CCR7: variants seen among roughly 807,000 people sequenced by gnomAD.
CCR7 encodes C-C chemokine receptor type 7.
Under a neutral mutation model 26.0 loss-of-function variants are expected in CCR7, and 11 were observed. The observed-to-expected ratio is 0.42, with a 90% confidence interval of 0.27 to 0.70. CCR7 has a LOEUF of 0.70. Among genes scored for constraint, CCR7 ranks in the 30% least tolerant of loss-of-function variants. The probability of loss-of-function intolerance (pLI) is 0.23; values close to 1 mark genes in which losing one functional copy is unlikely to be tolerated. For missense variants in CCR7, 360 were observed against 504.0 expected, an observed-to-expected ratio of 0.71 and a Z score of 2.74; for synonymous variants, 189 against 202.1, an observed-to-expected ratio of 0.94 and a Z score of 0.55.
rs1567828701 is a variant in CCR7, at chr17:40,555,173, G to C, written c.706C>G (p.Leu236Val). ...AQMVIGFLVPLLAMSFCYLVI... is the reference protein window; with the variant it reads ...AQMVIGFLVPVLAMSFCYLVI... ...AGGTAACAGAAGCTCATGGCCAGCA[G>C]GGGGACCAGAAAGCCGATCACCATC... The change falls in exon 3 of 3, where the codon CTG becomes GTG. Residue 236 changes from leucine to valine, a missense_variant. Physicochemically the swap from Leu to Val is conservative, Grantham distance 32. Transcript: ENST00000246657. This position sits in a 1 kb window ranked among gnomAD's most constrained non-coding sequence, Gnocchi z 5.6. 10 of 1,614,156 alleles carry C rather than the reference G, an allele frequency of 6.2e-6. No individual in the cohort carries two copies. Among genetic ancestry groups the C allele is most frequent in the Non-Finnish European group, 8.5e-6 (10 of 1,180,026 alleles).
chr17:40,558,822 C>G, intron 2 of CCR7, 71 bp downstream of exon 2: 1 of 1,370,908 alleles, frequency 7.3e-7, no homozygotes, highest in Non-Finnish European at 1.0e-6. Context: ...TGCCCAGCTC[C>G]TCCACTAAAC....
intron 1 of CCR7, chr17:40,560,737 G>A (rs1043756018): frequency 6.6e-6 from 1 of 152,116 alleles, no homozygotes; most frequent in Non-Finnish European, 1.5e-5. Context: ...CCTGATGCTT[G>A]GCCTGGCAGT....
At position 40,556,216 on chromosome 17, in the gene CCR7, G is replaced by A. The variant is rs149400862; in HGVS notation, c.61-398C>T. On this transcript the variant is annotated intron_variant, in intron 2 of 2. Transcript: ENST00000246657. ...ATGCAAATTCTCAGGCCCCACCTGA[G>A]AATTCTGAACCAGAATCTCAAGTGA... Among the ~76,000 whole-genome samples, 6 of 152,272 alleles carry A rather than the reference G, an allele frequency of 3.9e-5. No individual in the cohort carries two copies. In the East Asian group the frequency reaches 1.2e-3, roughly 29 times the overall value.
At chr17:40,563,849 T>C (rs2036678984) in intron 1 of CCR7, among the ~76,000 whole-genome samples, 1 of 152,108 alleles carries the variant, frequency 6.6e-6, no homozygotes, top group Admixed American at 6.5e-5. Flanking sequence ...CCCTGTTCAG[T>C]CATGTAGATG....
chr17:40,564,349 G>A (rs2036685289), intron 1 of CCR7, among the ~76,000 whole-genome samples: 1 of 152,210 alleles, frequency 6.6e-6, no homozygotes, highest in Non-Finnish European at 1.5e-5. Context: ...CAGCGTTCAG[G>A]GCAGGCGGGA....
intron 1 of CCR7, among the ~76,000 whole-genome samples, chr17:40,560,134 C>T (rs1410270097): frequency 1.3e-5 from 2 of 152,124 alleles, no homozygotes; most frequent in African/African-American, 2.4e-5. Context: ...GAGCCTGGGG[C>T]CCAGCAGGAA....
intron 1 of CCR7, 69 bp from the exon 2 acceptor site, chr17:40,559,011 G>T: frequency 7.6e-6 from 10 of 1,320,642 alleles, no homozygotes; most frequent in Middle Eastern, 2.0e-4. Flanking sequence ...GAAAGCAGTG[G>T]AGGGGGAGAC....
At position 40,565,463 on chromosome 17, in the gene CCR7, AC is replaced by A; in HGVS notation, c.-55del. The A allele has an allele frequency of 6.3e-7, 1 of 1,594,416 alleles. No individual in the cohort carries two copies. Among genetic ancestry groups the A allele is most frequent in the Non-Finnish European group, 8.6e-7 (1 of 1,162,374 alleles). On this transcript the variant is annotated 5_prime_UTR_variant, in exon 1 of 3. Coordinates refer to ENST00000246657, the MANE Select transcript of CCR7 (RefSeq NM_001838.4). ...GGAAGGCTGTGCCCGGCCTCGCACT[AC>A]CCCTGTCTGGGGAGGAAGTGGTTCA...
At chr17:40,557,139 C>T (rs1020576717) in intron 2 of CCR7, among the ~76,000 whole-genome samples, 4 of 152,208 alleles carry the variant, frequency 2.6e-5, no homozygotes, top group African/African-American at 7.2e-5. Flanking sequence ...CGGCAGATCC[C>T]AATCAGCAGG....
chr17:40,555,567 G>A lies in CCR7; in HGVS notation c.312C>T (p.Asp104=). Residue 104 remains aspartate (D), a synonymous_variant, in exon 3 of 3, where the codon GAC becomes GAT. Coordinates refer to ENST00000246657, the MANE Select transcript of CCR7 (RefSeq NM_001838.4). The surrounding 1 kb of genome is among the most constrained non-coding windows in gnomAD (Gnocchi z 5.6). ...AGGGAAGGGTCAGGAGGAAGAGGAT[G>A]TCTGCCACCGCCAGGTTGAGCAGGT... ...DTYLLNLAVA[D]ILFLLTLPFW... 6.2e-7 allele frequency: 1 copy of A among 1,614,144 alleles called. No homozygotes were observed. The highest frequency in any genetic ancestry group is 1.1e-5 in the South Asian group (1 of 91,074).
chr17:40,555,869 A>T lies in CCR7; in HGVS notation c.61-51T>A. 7.7e-7 allele frequency: 1 copy of T among 1,306,852 alleles called. No homozygotes were observed. Among genetic ancestry groups the T allele is most frequent in the South Asian group, 1.3e-5 (1 of 78,112 alleles). The allele number at this position is 1,306,852 out of a possible 1,614,324, so 81.0% of individuals were successfully genotyped here. On this transcript the variant is annotated intron_variant, in intron 2 of 2. Transcript: ENST00000246657. This position sits in a 1 kb window ranked among gnomAD's most constrained non-coding sequence, Gnocchi z 5.6. ...CAGGCCAGTTTAGCTGGGTGGCTCCAACTCTGGCTGGGATTTAGCCTAGAG... is the reference window on the plus strand; with the variant it reads ...CAGGCCAGTTTAGCTGGGTGGCTCCTACTCTGGCTGGGATTTAGCCTAGAG...
rs1218488984 is a variant in CCR7 at position 40,553,840 on chromosome 17, C to T, written c.*902G>A. 6.6e-6 allele frequency: 1 copy of T among 152,034 alleles called. No homozygotes were observed. Among genetic ancestry groups the T allele is most frequent in the Non-Finnish European group, 1.5e-5 (1 of 68,000 alleles). 9.4% of individuals were successfully genotyped at this position (152,034 alleles called of 1,614,324 possible). A position where few individuals can be genotyped will look rare whatever the true frequency, so the allele number is the denominator to read the frequency against. On this transcript the variant is annotated 3_prime_UTR_variant, in exon 3 of 3. Coordinates refer to ENST00000246657, the MANE Select transcript of CCR7 (RefSeq NM_001838.4). ...TTGTTTCCTCAAGGGAAAACTTTAT[C>T]TGTGTGTGGGTAAAATGTTGCTCTC...
intron 1 of CCR7, 73 bp from the exon 2 acceptor site, chr17:40,559,015 G>T: frequency 7.9e-7 from 1 of 1,272,302 alleles, no homozygotes; most frequent in Non-Finnish European, 1.1e-6. Flanking sequence ...GCAGTGGAGG[G>T]GGAGACGCTG....
chr17:40,565,278 C>T, intron 1 of CCR7, 122 bp downstream of exon 1: 1 of 885,136 alleles, frequency 1.1e-6, no homozygotes, highest in Non-Finnish European at 1.9e-6. Context: ...CAAATCAGAA[C>T]TGATTTCTCC....
intron 1 of CCR7, 85 bp from the exon 2 acceptor site, chr17:40,559,027 T>C: frequency 8.7e-7 from 1 of 1,151,820 alleles, no homozygotes; most frequent in Non-Finnish European, 1.3e-6. Flanking sequence ...GAGACGCTGT[T>C]GGGAACTTTC....
intron 2 of CCR7, among the ~76,000 whole-genome samples, chr17:40,556,284 C>T (rs1374703599): frequency 6.6e-6 from 1 of 152,190 alleles, no homozygotes; most frequent in East Asian, 1.9e-4. Flanking sequence ...CCAGGTGATT[C>T]TTTGGTTTTA....
chr17:40,559,093 C>T lies in CCR7; in HGVS notation c.11-151G>A. On this transcript the variant is annotated intron_variant, in intron 1 of 2. Coordinates refer to ENST00000246657, the MANE Select transcript of CCR7 (RefSeq NM_001838.4). ...AAGAGAACATCAGAACCAGATTGTG[C>T]CTTTGAACACCTGGCCTGCTGCCCG... 2 of 635,390 alleles carry T rather than the reference C, an allele frequency of 3.1e-6. 1 individual carries two copies. The highest frequency in any genetic ancestry group is 3.9e-5 in the South Asian group (2 of 51,286). The allele number at this position is 635,390 out of a possible 1,614,324, so 39.4% of individuals were successfully genotyped here.
chr17:40,555,627 G>C lies in CCR7; in HGVS notation c.252C>G (p.Ile84Met). 1 of 1,614,168 alleles carries C rather than the reference G, an allele frequency of 6.2e-7. No homozygotes were observed. Among genetic ancestry groups the C allele is most frequent in the Non-Finnish European group, 8.5e-7 (1 of 1,180,034 alleles). The stretch of plus-strand genomic sequence containing the variant: ...TCATGGTCTTGAGCCTCTTGAAATA[G>C]ATATAGGTCAACACGACCAGCCCAT... ...LGNGLVVLTY[I>M]YFKRLKTMTD... Residue 84 changes from isoleucine (I) to methionine (M), a missense_variant, in exon 3 of 3, where the codon ATC becomes ATG. Ile to Met is a conservative substitution (Grantham distance 10). Transcript: ENST00000246657. This position sits in a 1 kb window ranked among gnomAD's most constrained non-coding sequence, Gnocchi z 5.6.
intron 1 of CCR7, among the ~76,000 whole-genome samples, chr17:40,559,416 A>G (rs2036629542): frequency 6.6e-6 from 1 of 152,166 alleles, no homozygotes; most frequent in African/African-American, 2.4e-5. Context: ...GCCCAGGAGC[A>G]TTTTCCTGGC....
Sources: allele counts gnomAD v4.1 joint callset (sites outside exome capture counted in the v4.1 genomes callset), GRCh38; gene constraint gnomAD v4.1.1; non-coding constraint Gnocchi (gnomAD v3.1); transcripts MANE v1.5; gene names NCBI Gene and HGNC (gene_info 2026-07-23, HGNC 2026-07-21).